Variants in RMP24 observed in about 807,000 individuals in gnomAD.
RMP24 encodes the protein ribonuclease MRP protein subunit p24.
At chr18:35,975,148 A>G in the RMP24 span, 16 of 1,467,546 alleles carry the variant, frequency 1.1e-5, no homozygotes, top group East Asian at 3.4e-4. Context: ...CTTTTCTTTC[A>G]CTTAAAATCA....
the RMP24 span, chr18:35,972,933 C>T: frequency 6.2e-6 from 10 of 1,613,920 alleles, no homozygotes; most frequent in Non-Finnish European, 8.5e-6. Context: ...GTCTCTTGTG[C>T]TTTGGGCTCT....
chr18:35,978,868 C>G, the RMP24 span: 1 of 1,611,048 alleles, frequency 6.2e-7, no homozygotes, highest in Admixed American at 1.7e-5. Context: ...TATCTACTTG[C>G]TCCTCAAAGA....
chr18:35,975,492 C>T, the RMP24 span, among the ~76,000 whole-genome samples: 1 of 152,080 alleles, frequency 6.6e-6, no homozygotes, highest in Non-Finnish European at 1.5e-5. Context: ...ACTTCTTCAG[C>T]TGTCCTCCCA....
the RMP24 span, chr18:35,972,930 G>A: frequency 6.2e-7 from 1 of 1,614,112 alleles, no homozygotes; most frequent in Admixed American, 1.7e-5. Context: ...CCTGTCTCTT[G>A]TGCTTTGGGC....
chr18:35,973,089 G>A, the RMP24 span: 2 of 770,364 alleles, frequency 2.6e-6, no homozygotes, highest in African/African-American at 1.8e-5. Context: ...GTCTTGCTTT[G>A]TTAGCGGCAT....
chr18:35,978,984 T>C, the RMP24 span: 1 of 1,599,228 alleles, frequency 6.3e-7, no homozygotes, highest in Non-Finnish European at 8.5e-7. Flanking sequence ...TTATCTTCTC[T>C]GAAGGGTGGA....
At chr18:35,976,804 C>G in the RMP24 span, among the ~76,000 whole-genome samples, 1 of 152,210 alleles carries the variant, frequency 6.6e-6, no homozygotes, top group Admixed American at 6.5e-5. Flanking sequence ...AGAGTATTAT[C>G]TCCCATCTCT....
the RMP24 span, chr18:35,973,575 T>G: frequency 1.3e-5 from 2 of 152,306 alleles, no homozygotes; most frequent in African/African-American, 2.4e-5. Context: ...ACTCCCTAAC[T>G]CTCTCTCCTC....
the RMP24 span, among the ~76,000 whole-genome samples, chr18:35,977,197 T>C: frequency 4.0e-5 from 6 of 151,600 alleles, no homozygotes; most frequent in East Asian, 1.2e-3. Context: ...CACTCCAGCC[T>C]GGGGACAGAG....
the RMP24 span, among the ~76,000 whole-genome samples, chr18:35,975,357 A>G: frequency 6.6e-6 from 1 of 152,196 alleles, no homozygotes; most frequent in Non-Finnish European, 1.5e-5. Context: ...ATTTTTCACA[A>G]ATGTGCGGAT....
chr18:35,978,528 T>G, the RMP24 span, among the ~76,000 whole-genome samples: 1 of 152,186 alleles, frequency 6.6e-6, no homozygotes, highest in African/African-American at 2.4e-5. Flanking sequence ...GGAGAACTGC[T>G]TGAACCTGGG....
At chr18:35,979,130 A>C in the RMP24 span, 1 of 945,162 alleles carries the variant, frequency 1.1e-6, no homozygotes, top group Non-Finnish European at 1.5e-6. Flanking sequence ...TTCAGTGTTT[A>C]TGGGGAAAAT....
chr18:35,972,840 G>A, the RMP24 span: 7 of 1,614,210 alleles, frequency 4.3e-6, no homozygotes, highest in Non-Finnish European at 5.9e-6. Context: ...GAGGCGAGCG[G>A]GTAGGTGTTC....
At chr18:35,974,871 G>A in the RMP24 span, 6 of 1,588,624 alleles carry the variant, frequency 3.8e-6, no homozygotes, top group Non-Finnish European at 5.2e-6. Context: ...TTGCTGAATT[G>A]TGAGTTTCAT....
chr18:35,977,406 G>C, the RMP24 span: 1 of 1,601,614 alleles, frequency 6.2e-7, no homozygotes, highest in Non-Finnish European at 8.5e-7. Flanking sequence ...TATTTTTATG[G>C]TAGTTGATCA....
At chr18:35,973,098 A>G in the RMP24 span, 1 of 704,884 alleles carries the variant, frequency 1.4e-6, no homozygotes, top group Non-Finnish European at 2.4e-6. Flanking sequence ...TGTTAGCGGC[A>G]TTTGACACAT....
the RMP24 span, chr18:35,977,314 G>A: frequency 6.2e-6 from 7 of 1,136,306 alleles, no homozygotes; most frequent in South Asian, 3.1e-5. Flanking sequence ...AGTATCTGGT[G>A]TAGTCCCTGA....
At chr18:35,977,354 A>G in the RMP24 span, 1 of 1,500,582 alleles carries the variant, frequency 6.7e-7, no homozygotes, top group East Asian at 2.3e-5. Flanking sequence ...CCTGTGGTTT[A>G]TGGGGTTAAA....
At chr18:35,978,736 A>G in the RMP24 span, 1 of 1,063,786 alleles carries the variant, frequency 9.4e-7, no homozygotes, top group Non-Finnish European at 1.3e-6. Flanking sequence ...ATGATAATAC[A>G]CCGAGGATAG....
Sources: allele counts gnomAD v4.1 joint callset (sites outside exome capture counted in the v4.1 genomes callset), GRCh38; gene constraint gnomAD v4.1.1; transcripts MANE v1.5; gene names NCBI Gene and HGNC (gene_info 2026-07-23, HGNC 2026-07-21).